Variants in PELP1 observed in about 807,000 individuals in gnomAD.
PELP1 encodes proline, glutamate and leucine rich protein 1, also known as proline-, glutamic acid- and leucine-rich protein 1.
A neutral mutation model predicts 95.5 loss-of-function variants in PELP1; 32 were observed. The ratio of observed to expected loss-of-function variants is 0.34; its 90% CI spans 0.25 to 0.45. The LOEUF is 0.45. Ranked by LOEUF, PELP1 falls within the 20% of genes least tolerant of loss-of-function variation. PELP1 has a pLI of 1.00. For missense variants in PELP1, 1,358 were observed against 1,444.8 expected (o/e 0.94, Z 0.97); for synonymous variants, 668 against 600.1 (o/e 1.11, Z -1.65).
chr17:4,671,660 C>A, intron 16 of PELP1, 31 bp downstream of exon 16: 1 of 1,597,260 alleles, frequency 6.3e-7, no homozygotes, highest in Non-Finnish European at 8.5e-7. Flanking sequence ...CACCTTCTCG[C>A]CCAAGGAACC....
chr17:4,693,670 C>T (rs992232920), intron 1 of PELP1, among the ~76,000 whole-genome samples: 3 of 152,184 alleles, frequency 2.0e-5, no homozygotes, highest in Non-Finnish European at 4.4e-5. Context: ...AACATGGATA[C>T]ACTGGACAAA....
chr17:4,672,794 C>T lies in PELP1; in HGVS notation c.2197G>A (p.Gly733Ser). 6.2e-7 allele frequency: 1 copy of T among 1,613,826 alleles called. No individual in the cohort carries two copies. The highest frequency in any genetic ancestry group is 8.5e-7 in the Non-Finnish European group (1 of 1,179,792). The change falls in exon 16 of 17, where the codon GGC becomes AGC. Residue 733 changes from glycine (G) to serine (S), a missense_variant. By Grantham distance (56) the Gly-to-Ser change is moderately conservative. Transcript: ENST00000572293. ...GCAAGGATGGGGTCCTCATTTGAGC[C>T]TGCCCGGTGGTTCTCAGGGCCAGGA... Reference protein sequence around the residue: ...LLPGPENHRAGSNEDPILAPS... With the variant: ...LLPGPENHRASSNEDPILAPS...
intron 1 of PELP1, among the ~76,000 whole-genome samples, chr17:4,703,549 A>C (rs193197491): frequency 2.0e-5 from 3 of 152,326 alleles, no homozygotes; most frequent in Admixed American, 2.0e-4. Context: ...CCCGAAACAG[A>C]TATTGCCAGA....
intron 6 of PELP1, 55 bp downstream of exon 6, chr17:4,676,698 A>G: frequency 6.8e-7 from 1 of 1,476,972 alleles, no homozygotes; most frequent in Non-Finnish European, 9.3e-7. Flanking sequence ...AGGAGCAGCA[A>G]GAGACAATCC....
At position 4,671,005 on chromosome 17, in the gene PELP1, T is replaced by C. The variant is rs1013965416; in HGVS notation, c.*434A>G. 5.4e-6 allele frequency: 1 copy of C among 185,524 alleles called. No individual in the cohort carries two copies. The allele number at this position is 185,524 out of a possible 1,614,324, so 11.5% of individuals were successfully genotyped here. A position where few individuals can be genotyped will look rare whatever the true frequency, so the allele number is the denominator to read the frequency against. ...GACTGAGCAATCACTCAGCCTGCCC[T>C]TTCAGACCAAGGGGCTGAGCACGCA... On this transcript the variant is annotated 3_prime_UTR_variant, in exon 17 of 17. Coordinates refer to ENST00000572293, the MANE Select transcript of PELP1 (RefSeq NM_014389.3).
chr17:4,676,301 C>A, intron 7 of PELP1, 56 bp downstream of exon 7: 5 of 1,591,436 alleles, frequency 3.1e-6, no homozygotes, highest in Non-Finnish European at 4.3e-6. Context: ...CCCTCCTGTT[C>A]CTTCCTGCCA....
At chr17:4,694,909 G>C (rs1345378451) in intron 1 of PELP1, among the ~76,000 whole-genome samples, 1 of 151,324 alleles carries the variant, frequency 6.6e-6, no homozygotes, top group Non-Finnish European at 1.5e-5. Context: ...AGAATCGCTT[G>C]AACCCGGGAG....
At position 4,676,745 on chromosome 17, in the gene PELP1, C is replaced by T. The variant is rs1372706604; in HGVS notation, c.702+8G>A. On this transcript the variant is annotated splice_region_variant and intron_variant, in intron 6 of 16. Coordinates refer to ENST00000572293, the MANE Select transcript of PELP1 (RefSeq NM_014389.3). Reference sequence around the variant, plus strand: ...CCCGGGCTCTCCCTCTCCCTCCCTGCCCTTTACCTGTTGGAGCTGAGGGCT... The same window carrying T: ...CCCGGGCTCTCCCTCTCCCTCCCTGTCCTTTACCTGTTGGAGCTGAGGGCT... The T allele has an allele frequency of 6.4e-7, 1 of 1,565,522 alleles. No homozygotes were observed. The highest frequency in any genetic ancestry group is 2.4e-5 in the East Asian group (1 of 42,106).
chr17:4,679,018 G>A (rs1360909727), intron 5 of PELP1, among the ~76,000 whole-genome samples: 2 of 150,976 alleles, frequency 1.3e-5, no homozygotes, highest in Non-Finnish European at 3.0e-5. Flanking sequence ...ACAGAGGGAA[G>A]TTCTCCAGAT....
In PELP1 at chr17:4,671,844, A is replaced by G; in HGVS notation, c.3147T>C (p.Pro1049=). The G allele has an allele frequency of 6.6e-7, 1 of 1,511,332 alleles. No individual in the cohort carries two copies. Among genetic ancestry groups the G allele is most frequent in the Non-Finnish European group, 8.8e-7 (1 of 1,134,320 alleles). 93.6% of individuals were successfully genotyped at this position (1,511,332 alleles called of 1,614,324 possible). ...GCTCTTCTTCAACAAGCTCCTGGGG[A>G]GGGGGCCCTGCCGCAGGGCTTTCCC... ...REGESPAAGP[P]PQELVEEEPS... is the part of the protein sequence containing the mutation. Residue 1049 remains proline (P), a synonymous_variant, in exon 16 of 17, where the codon CCT becomes CCC. Transcript: ENST00000572293.
At position 4,682,917 on chromosome 17, in the gene PELP1, C is replaced by A. The variant is rs1912744491; in HGVS notation, c.456G>T (p.Val152=). Residue 152 remains valine (V), a synonymous_variant, in exon 4 of 17, where the codon GTG becomes GTT. Coordinates refer to ENST00000572293, the MANE Select transcript of PELP1 (RefSeq NM_014389.3). The part of the protein sequence containing the change: ...QDPPATMELA[V]AVLRDLLRYA... ...ATCGGAGGAGGTCCCTCAGGACAGC[C>A]ACGGCCAGCTCCATTGTGGCAGGCG... The A allele has an allele frequency of 6.4e-7, 1 of 1,560,546 alleles. No individual in the cohort carries two copies. The highest frequency in any genetic ancestry group is 8.6e-7 in the Non-Finnish European group (1 of 1,157,062).
chr17:4,676,210 CCT>C (rs1190383231), intron 7 of PELP1, 48 bp from the exon 8 acceptor site: 9 of 1,603,916 alleles, frequency 5.6e-6, no homozygotes, highest in Non-Finnish European at 6.8e-6. Flanking sequence ...TCCATCCCCT[CCT>C]CTGTCATTTC....
At chr17:4,696,050 G>A (rs1309749523) in intron 1 of PELP1, among the ~76,000 whole-genome samples, 1 of 148,168 alleles carries the variant, frequency 6.7e-6, no homozygotes, top group Non-Finnish European at 1.5e-5. Flanking sequence ...AAAAAAACAG[G>A]CTGGGCAAGG....
intron 12 of PELP1, 48 bp from the exon 13 acceptor site, chr17:4,674,717 C>G: frequency 2.5e-6 from 4 of 1,588,218 alleles, no homozygotes; most frequent in Non-Finnish European, 3.4e-6. Flanking sequence ...AACAACAAGG[C>G]AAGACAGCCA....
intron 1 of PELP1, 142 bp from the exon 2 acceptor site, chr17:4,691,584 A>C (rs1195544820): frequency 3.0e-6 from 2 of 662,294 alleles, no homozygotes; most frequent in Non-Finnish European, 5.4e-6. Flanking sequence ...ATCCCACTAG[A>C]AGCCTTGAGC....
chr17:4,693,083 T>G (rs1031401994), intron 1 of PELP1, among the ~76,000 whole-genome samples: 1 of 152,112 alleles, frequency 6.6e-6, no homozygotes, highest in African/African-American at 2.4e-5. Flanking sequence ...TCTCAAATAT[T>G]TACCACAAAT....
rs1366456550 is a variant in PELP1, at chr17:4,682,922, C to T, written c.451G>A (p.Ala151Thr). The T allele has an allele frequency of 1.5e-5, 24 of 1,552,276 alleles. No individual in the cohort carries two copies. The highest frequency in any genetic ancestry group is 2.5e-5 in the South Asian group (2 of 80,818). ...AGGAGGTCCCTCAGGACAGCCACGG[C>T]CAGCTCCATTGTGGCAGGCGGGTCC... ...TQDPPATMEL[A>T]VAVLRDLLRY... The change falls in exon 4 of 17, where the codon GCC becomes ACC. Residue 151 changes from alanine (A) to threonine (T), a missense_variant. By Grantham distance (58) the Ala-to-Thr change is moderately conservative. Around this residue, in one of 7 missense-constraint regions of PELP1, gnomAD observed 538 missense variants for 628.1 expected, o/e 0.86. Coordinates refer to ENST00000572293, the MANE Select transcript of PELP1 (RefSeq NM_014389.3).
Position 4,671,739 on chromosome 17 carries a change from T to C in PELP1, c.3252A>G (p.Ala1084=), listed in dbSNP as rs746667173. 1.3e-6 allele frequency: 2 copies of C among 1,533,356 alleles called. No homozygotes were observed. Among genetic ancestry groups the C allele is most frequent in the African/African-American group, 2.8e-5 (2 of 71,880 alleles). 95.0% of individuals were successfully genotyped at this position (1,533,356 alleles called of 1,614,324 possible). The change falls in exon 16 of 17, where the codon GCA becomes GCG. Residue 1084 remains alanine (A), a synonymous_variant. Coordinates refer to ENST00000572293, the MANE Select transcript of PELP1 (RefSeq NM_014389.3). ...DKVQPPPETP[A]EEEMETETEA... Reference sequence around the variant, plus strand: ...CTGTCTCTGTCTCCATCTCTTCTTCTGCAGGTGTCTCTGGTGGGGGCTGCA... The same window carrying C: ...CTGTCTCTGTCTCCATCTCTTCTTCCGCAGGTGTCTCTGGTGGGGGCTGCA...
At chr17:4,678,510 T>C in intron 5 of PELP1, among the ~76,000 whole-genome samples, 1 of 152,102 alleles carries the variant, frequency 6.6e-6, no homozygotes, top group East Asian at 1.9e-4. Context: ...CCAACAGAAG[T>C]CTGCTTATGT....
Sources: allele counts gnomAD v4.1 joint callset (sites outside exome capture counted in the v4.1 genomes callset), GRCh38; gene constraint gnomAD v4.1.1; regional missense constraint gnomAD v4.1.1; transcripts MANE v1.5; gene names NCBI Gene and HGNC (gene_info 2026-07-23, HGNC 2026-07-21).